The following SH3D19 variants were observed in gnomAD, a reference collection of about 807,000 sequenced individuals.
SH3D19 encodes the protein SH3 domain containing 19.
SH3D19 carries 58 observed loss-of-function variants against 112.1 expected under a neutral mutation model. The ratio of observed to expected loss-of-function variants is 0.52; its 90% CI spans 0.42 to 0.64. SH3D19 has a LOEUF of 0.64. Among genes scored for constraint, SH3D19 ranks in the 30% least tolerant of loss-of-function variants. SH3D19 has a pLI of 0.00. For synonymous variants in SH3D19, 391 were observed against 448.5 expected (o/e 0.87, Z 1.62); for missense variants, 1,090 against 1,263.4 (o/e 0.86, Z 2.08).
In SH3D19 at chr4:151,122,262, A is replaced by C. The variant is rs1437342797; in HGVS notation, c.3028-55T>G. On this transcript the variant is annotated intron_variant, in intron 19 of 19. Coordinates refer to ENST00000604030, the MANE Select transcript of SH3D19 (RefSeq NM_001378122.1). ...GTTTCTGTTGAGAATAAGCATGGTA[A>C]ATAGTGGCCTACCTAGGGCAGCATG... is the stretch of plus-strand genomic sequence containing the variant. 4.4e-6 allele frequency: 4 copies of C among 911,540 alleles called. No individual in the cohort carries two copies. The East Asian group carries it at 9.6e-5, about 22-fold the overall frequency. The allele number at this position is 911,540 out of a possible 1,614,324, so 56.5% of individuals were successfully genotyped here.
chr4:151,161,045 T>G (rs1035512960), intron 8 of SH3D19, among the ~76,000 whole-genome samples: 1 of 152,174 alleles, frequency 6.6e-6, no homozygotes, highest in Non-Finnish European at 1.5e-5. Context: ...AATATGAAAG[T>G]AGAAAGGAGA....
intron 1 of SH3D19, among the ~76,000 whole-genome samples, chr4:151,265,384 GAGA>G (rs1189768902): frequency 6.6e-6 from 1 of 150,784 alleles, no homozygotes; most frequent in African/African-American, 2.4e-5. Context: ...TAGAATGTGA[GAGA>G]AGATGATGGA....
At chr4:151,279,783 TCTC>T (rs1774007552) in intron 1 of SH3D19, 1 of 1,612,190 alleles carries the variant, frequency 6.2e-7, no homozygotes, top group Non-Finnish European at 8.5e-7. Flanking sequence ...TTCCCTTTCT[TCTC>T]TTTCTCTAGT....
intron 1 of SH3D19, among the ~76,000 whole-genome samples, chr4:151,251,824 G>T (rs1476905281): frequency 6.6e-6 from 1 of 152,134 alleles, no homozygotes; most frequent in Non-Finnish European, 1.5e-5. Flanking sequence ...CCTTTCAGCT[G>T]CCCCGCAGTC....
chr4:151,214,930 C>T (rs1275754079), intron 2 of SH3D19, among the ~76,000 whole-genome samples: 17 of 142,614 alleles, frequency 1.2e-4, no homozygotes, highest in Admixed American at 3.5e-4. Context: ...GGTTGCCAGG[C>T]GGAGGGTCTC....
At chr4:151,195,674 T>C (rs1580093847) in intron 2 of SH3D19, among the ~76,000 whole-genome samples, 1 of 151,966 alleles carries the variant, frequency 6.6e-6, no homozygotes, top group East Asian at 1.9e-4. Flanking sequence ...TATTAGAATA[T>C]AATCTCCTTC....
chr4:151,132,522 A>C, intron 16 of SH3D19, 139 bp from the exon 17 acceptor site: 1 of 691,536 alleles, frequency 1.4e-6, no homozygotes, highest in Non-Finnish European at 2.5e-6. Context: ...TGTATTGTCT[A>C]TGTTGCGTTA....
At chr4:151,202,720 A>G (rs2149889498) in intron 2 of SH3D19, among the ~76,000 whole-genome samples, 1 of 152,286 alleles carries the variant, frequency 6.6e-6, no homozygotes, top group Admixed American at 6.5e-5. Flanking sequence ...TAACAACCTT[A>G]CTTTCAAAAC....
intron 1 of SH3D19, among the ~76,000 whole-genome samples, chr4:151,323,571 CCATTA>C (rs544356401): frequency 1.3e-5 from 2 of 152,152 alleles, no homozygotes; most frequent in Non-Finnish European, 2.9e-5. Flanking sequence ...CTTACTCATT[CCATTA>C]CATCGTCCTC....
intron 1 of SH3D19, among the ~76,000 whole-genome samples, chr4:151,265,479 C>T (rs1772706381): frequency 6.7e-6 from 1 of 150,094 alleles, no homozygotes; most frequent in South Asian, 2.1e-4. Context: ...AGGCACTTTA[C>T]AAATTATCCG....
At chr4:151,186,041 G>C (rs986594333) in intron 3 of SH3D19, among the ~76,000 whole-genome samples, 1 of 150,362 alleles carries the variant, frequency 6.7e-6, no homozygotes, top group Admixed American at 6.6e-5. Context: ...CCATGTATCG[G>C]GGGGGAAAAA....
intron 2 of SH3D19, among the ~76,000 whole-genome samples, chr4:151,211,522 TGA>T (rs1765968400): frequency 6.6e-6 from 1 of 150,602 alleles, no homozygotes; most frequent in African/African-American, 2.4e-5. Context: ...GGTCGAAAGC[TGA>T]GATAGGCCAG....
intron 1 of SH3D19, chr4:151,291,002 G>T (rs976574254): frequency 7.1e-6 from 5 of 706,166 alleles, no homozygotes; most frequent in Non-Finnish European, 1.2e-5. Flanking sequence ...CCCCTGCAGG[G>T]TTCCACAGCT....
intron 1 of SH3D19, among the ~76,000 whole-genome samples, chr4:151,237,536 T>C (rs1300506375): frequency 2.3e-5 from 1 of 42,838 alleles, no homozygotes; most frequent in Non-Finnish European, 1.6e-4. Context: ...AGGCCTTGTT[T>C]TGAGTTCTTC....
chr4:151,239,157 T>G (rs1770363296), intron 1 of SH3D19, among the ~76,000 whole-genome samples: 1 of 152,236 alleles, frequency 6.6e-6, no homozygotes, highest in South Asian at 2.1e-4. Flanking sequence ...CCTCGACATC[T>G]ATATATTCAG....
At chr4:151,172,589 A>G (rs1759268417) in intron 7 of SH3D19, among the ~76,000 whole-genome samples, 1 of 152,248 alleles carries the variant, frequency 6.6e-6, no homozygotes, top group Non-Finnish European at 1.5e-5. Flanking sequence ...CTAATTAATG[A>G]TCATAGGGCT....
At chr4:151,296,379 A>T (rs543428364) in intron 1 of SH3D19, among the ~76,000 whole-genome samples, 82 of 152,340 alleles carry the variant, frequency 5.4e-4, no homozygotes, top group African/African-American at 1.7e-3. Context: ...AGCACCTGGT[A>T]ACACATTACT....
intron 1 of SH3D19, chr4:151,279,078 GA>G (rs1773923819): frequency 4.9e-6 from 2 of 412,242 alleles, no homozygotes; most frequent in Non-Finnish European, 9.3e-6. Context: ...ACTGACCAGG[GA>G]ACATCCACAG....
chr4:151,164,461 T>A (rs992048310), intron 8 of SH3D19, among the ~76,000 whole-genome samples: 1 of 152,152 alleles, frequency 6.6e-6, no homozygotes, highest in South Asian at 2.1e-4. Context: ...ATAATAAATA[T>A]CAGATTTCTT....
Sources: allele counts gnomAD v4.1 joint callset (sites outside exome capture counted in the v4.1 genomes callset), GRCh38; gene constraint gnomAD v4.1.1; transcripts MANE v1.5; gene names NCBI Gene and HGNC (gene_info 2026-07-23, HGNC 2026-07-21).